The following SLC39A11 variants were observed in gnomAD, a reference collection of about 807,000 sequenced individuals.
SLC39A11 encodes solute carrier family 39 member 11.
A neutral mutation model predicts 36.1 loss-of-function variants in SLC39A11; 33 were observed. That is an observed-to-expected ratio of 0.91 (90% CI 0.69 to 1.22). The LOEUF is 1.22. Ranked by LOEUF, SLC39A11 falls within the 50% of genes most tolerant of loss-of-function variation. SLC39A11 has a pLI of 0.00. For synonymous variants in SLC39A11, 166 were observed against 170.3 expected (o/e 0.97, Z 0.20); for missense variants, 432 against 430.3 (o/e 1.00, Z -0.03).
intron 5 of SLC39A11, among the ~76,000 whole-genome samples, chr17:72,873,592 G>GA (rs1174948832): frequency 6.6e-6 from 1 of 152,094 alleles, no homozygotes; most frequent in Non-Finnish European, 1.5e-5. Context: ...ATGGAAAACA[G>GA]AAAAAAGAGA....
chr17:73,014,483 C>G (rs1248066114), intron 4 of SLC39A11, among the ~76,000 whole-genome samples: 1 of 152,172 alleles, frequency 6.6e-6, no homozygotes. Context: ...GTAGCAAGAC[C>G]CTGTCTCTAC....
intron 6 of SLC39A11, among the ~76,000 whole-genome samples, chr17:72,751,538 A>C (rs1306101992): frequency 1.3e-5 from 2 of 152,164 alleles, no homozygotes; most frequent in Non-Finnish European, 2.9e-5. Flanking sequence ...CATTAAGTGC[A>C]ATCACTTTTG....
intron 3 of SLC39A11, among the ~76,000 whole-genome samples, chr17:73,053,582 A>G (rs2143993350): frequency 6.6e-6 from 1 of 152,310 alleles, no homozygotes; most frequent in East Asian, 1.9e-4. Flanking sequence ...TATCATCTCC[A>G]TTTTACAAAT....
intron 4 of SLC39A11, among the ~76,000 whole-genome samples, chr17:72,973,687 T>C (rs2087628163): frequency 6.6e-6 from 1 of 152,232 alleles, no homozygotes; most frequent in African/African-American, 2.4e-5. Context: ...GCTTCCCAAG[T>C]AGCTGGGATC....
chr17:73,089,609 G>C (rs1464732866), intron 1 of SLC39A11: 1 of 152,376 alleles, frequency 6.6e-6, no homozygotes, highest in East Asian at 1.9e-4. Flanking sequence ...TACAGCCTTA[G>C]TTGCTTGAGG....
At chr17:72,678,975 C>A (rs910091220) in intron 7 of SLC39A11, among the ~76,000 whole-genome samples, 4 of 152,096 alleles carry the variant, frequency 2.6e-5, no homozygotes, top group African/African-American at 9.7e-5. Flanking sequence ...TGCAGCAACA[C>A]GGATGGAACT....
At chr17:72,758,612 C>T (rs1278747834) in intron 6 of SLC39A11, among the ~76,000 whole-genome samples, 1 of 152,178 alleles carries the variant, frequency 6.6e-6, no homozygotes, top group Non-Finnish European at 1.5e-5. Flanking sequence ...AGATCCTTTT[C>T]CTTTTCTTGC....
chr17:72,952,069 C>A (rs192950647), intron 4 of SLC39A11, among the ~76,000 whole-genome samples: 38 of 152,212 alleles, frequency 2.5e-4, no homozygotes, highest in African/African-American at 8.7e-4. Flanking sequence ...CCGCCTGTAC[C>A]CCCCGCTTCC....
At chr17:73,086,653 C>T (rs184854601) in intron 2 of SLC39A11, among the ~76,000 whole-genome samples, 2 of 152,042 alleles carry the variant, frequency 1.3e-5, no homozygotes, top group Admixed American at 1.3e-4. Context: ...AACCCCATCT[C>T]CACTACAAAT....
chr17:72,998,169 C>A (rs1410492580), intron 4 of SLC39A11, among the ~76,000 whole-genome samples: 2 of 152,140 alleles, frequency 1.3e-5, no homozygotes, highest in Non-Finnish European at 2.9e-5. Flanking sequence ...TCGATACTAT[C>A]CAGGATTTGA....
At position 73,001,255 on chromosome 17, in the gene SLC39A11, C is replaced by A. The variant is rs947402060; in HGVS notation, c.306+30301G>T. On this transcript the variant is annotated intron_variant, in intron 4 of 9. Coordinates refer to ENST00000255559, the MANE Select transcript of SLC39A11 (RefSeq NM_139177.4). ...TTTTACCCTAGCTAACAATTTTATT[C>A]CAGTTAGTTAGCCATTTGTTGTGTT... Among the ~76,000 whole-genome samples the A allele has an allele frequency of 1.1e-4, 11 of 96,518 alleles. 1 individual carries two copies. Among genetic ancestry groups the A allele is most frequent in the African/African-American group, 3.3e-4 (11 of 32,850 alleles). 63.3% of individuals were successfully genotyped at this position (96,518 alleles called of 152,430 possible). A position where few individuals can be genotyped will look rare whatever the true frequency, so the allele number is the denominator to read the frequency against.
chr17:72,956,653 T>C (rs1268488275), intron 4 of SLC39A11, among the ~76,000 whole-genome samples: 1 of 152,228 alleles, frequency 6.6e-6, no homozygotes, highest in African/African-American at 2.4e-5. Flanking sequence ...AGTCCCAGAC[T>C]TTATTAAAAT....
At chr17:72,828,598 C>T (rs1057131514) in intron 6 of SLC39A11, among the ~76,000 whole-genome samples, 1 of 152,192 alleles carries the variant, frequency 6.6e-6, no homozygotes, top group African/African-American at 2.4e-5. Flanking sequence ...CCCTAAAAGA[C>T]TATTCCAGCC....
chr17:72,771,077 C>A (rs115320005), intron 6 of SLC39A11, among the ~76,000 whole-genome samples: 1 of 148,512 alleles, frequency 6.7e-6, no homozygotes, highest in South Asian at 2.1e-4. Context: ...TTTTTATGTG[C>A]GTGTTGCTTA....
intron 1 of SLC39A11, among the ~76,000 whole-genome samples, chr17:73,090,160 C>T (rs902824130): frequency 6.6e-6 from 1 of 152,164 alleles, no homozygotes; most frequent in South Asian, 2.1e-4. Context: ...GACGCTGCCT[C>T]GATTGACCCT....
At chr17:72,649,636 T>C (rs28566893) in intron 7 of SLC39A11, among the ~76,000 whole-genome samples, 1 of 134,784 alleles carries the variant, frequency 7.4e-6, no homozygotes, top group Admixed American at 7.7e-5. Flanking sequence ...TTTTCTTTTT[T>C]TCTTTTTCTT....
At chr17:72,875,808 A>G (rs975205958) in intron 5 of SLC39A11, among the ~76,000 whole-genome samples, 1 of 152,180 alleles carries the variant, frequency 6.6e-6, no homozygotes, top group African/African-American at 2.4e-5. Flanking sequence ...GGCGAGGCTC[A>G]GTCACGGGAC....
At chr17:72,692,739 A>T (rs2072094428) in intron 7 of SLC39A11, among the ~76,000 whole-genome samples, 3 of 152,106 alleles carry the variant, frequency 2.0e-5, no homozygotes, top group Admixed American at 2.0e-4. Flanking sequence ...GAGAACAGAG[A>T]GGTAAAGAAA....
intron 6 of SLC39A11, chr17:72,818,692 T>A (rs2077664517): frequency 6.6e-6 from 1 of 152,210 alleles, no homozygotes; most frequent in South Asian, 2.1e-4. Flanking sequence ...TCTGTTGAGA[T>A]CCTTTGATTT....
Sources: gnomAD v4.1 joint callset for allele counts (sites outside exome capture counted in the v4.1 genomes callset) on GRCh38, gnomAD v4.1.1 for gene constraint, MANE v1.5 for transcripts, NCBI Gene and HGNC (gene_info 2026-07-23, HGNC 2026-07-21) for gene names.